The following LACTB2 variants were observed in gnomAD, a reference collection of about 807,000 sequenced individuals.
The protein encoded by LACTB2 is endoribonuclease LACTB2.
In LACTB2, 32 loss-of-function variants were observed where a neutral mutation model predicts 34.8. That is an observed-to-expected ratio of 0.92 (90% confidence interval 0.69 to 1.24). The LOEUF (loss-of-function observed/expected upper bound fraction) is 1.24, where lower values mean the gene tolerates loss of function less well. Ranked by LOEUF, LACTB2 falls within the 50% of genes most tolerant of loss-of-function variation. The probability of loss-of-function intolerance (pLI) is 0.00; values close to 1 mark genes in which losing one functional copy is unlikely to be tolerated. For missense variants in LACTB2, 320 were observed against 345.0 expected (o/e 0.93, Z 0.57); for synonymous variants, 120 against 117.5 (o/e 1.02, Z -0.14).
At chr8:70,641,434 T>G (rs569579851) in intron 4 of LACTB2, among the ~76,000 whole-genome samples, 1 of 152,314 alleles carries the variant, frequency 6.6e-6, no homozygotes, top group South Asian at 2.1e-4. Flanking sequence ...AAGAATCCCA[T>G]GAAGTAGGTA....
intron 5 of LACTB2, among the ~76,000 whole-genome samples, chr8:70,639,246 A>G (rs1586781116): frequency 6.8e-5 from 10 of 146,392 alleles, no homozygotes; most frequent in South Asian, 4.4e-4. Context: ...TGCAACCTCC[A>G]CCTCCCAGGT....
In LACTB2 at chr8:70,638,765, A is replaced by G. The variant is rs767368168; in HGVS notation, c.742-136T>C. The G allele has an allele frequency of 2.1e-4, 140 of 680,684 alleles. 1 individual carries two copies. Among genetic ancestry groups the G allele is most frequent in the African/African-American group, 2.2e-4 (11 of 50,082 alleles). 42.2% of individuals were successfully genotyped at this position (680,684 alleles called of 1,614,324 possible). On this transcript the variant is annotated intron_variant, in intron 5 of 6. Transcript: ENST00000276590. The stretch of plus-strand genomic sequence containing the variant: ...ACACATTTTTTTTTTTTTTTGAGAC[A>G]GAGTCTCACTCTGTCGCCAGGCTGG...
intron 1 of LACTB2, among the ~76,000 whole-genome samples, chr8:70,667,903 G>A (rs750675991): frequency 5.9e-5 from 9 of 152,140 alleles, no homozygotes; most frequent in East Asian, 1.9e-4. Context: ...TAGAGAGACC[G>A]CCTATGGATT....
At chr8:70,667,898 A>G (rs1004460390) in intron 1 of LACTB2, among the ~76,000 whole-genome samples, 1 of 152,202 alleles carries the variant, frequency 6.6e-6, no homozygotes, top group Non-Finnish European at 1.5e-5. Context: ...CACTGTAGAG[A>G]GACCGCCTAT....
chr8:70,646,725 A>G (rs1818268601), intron 3 of LACTB2: 1 of 152,248 alleles, frequency 6.6e-6, no homozygotes. Context: ...ACAATAAACC[A>G]GATAAACAAA....
chr8:70,646,045 T>A (rs908678790), intron 3 of LACTB2: 2 of 152,206 alleles, frequency 1.3e-5, no homozygotes, highest in African/African-American at 4.8e-5. Context: ...GTATTTCTAG[T>A]TCTAGATCCC....
At chr8:70,639,115 A>G (rs1818162159) in intron 5 of LACTB2, among the ~76,000 whole-genome samples, 1 of 152,086 alleles carries the variant, frequency 6.6e-6, no homozygotes, top group South Asian at 2.1e-4. Flanking sequence ...TATTCTATAT[A>G]TACTCCTATA....
At chr8:70,658,106 T>G (rs1360766912) in intron 2 of LACTB2, among the ~76,000 whole-genome samples, 1 of 152,176 alleles carries the variant, frequency 6.6e-6, no homozygotes, top group Non-Finnish European at 1.5e-5. Context: ...TAGGTCTACA[T>G]GAAAGCCTCT....
intron 3 of LACTB2, among the ~76,000 whole-genome samples, chr8:70,647,326 C>T (rs940021909): frequency 4.6e-5 from 7 of 151,368 alleles, no homozygotes; most frequent in Non-Finnish European, 1.0e-4. Context: ...AATCTTGGCT[C>T]ACTGCAACCT....
intron 4 of LACTB2, among the ~76,000 whole-genome samples, chr8:70,643,357 G>C (rs1012954523): frequency 1.3e-5 from 2 of 151,378 alleles, no homozygotes; most frequent in Non-Finnish European, 2.9e-5. Flanking sequence ...CGCGTAGCTG[G>C]GATTATAGGT....
intron 3 of LACTB2, among the ~76,000 whole-genome samples, chr8:70,647,409 C>T (rs2132072359): frequency 6.6e-6 from 1 of 152,142 alleles, no homozygotes; most frequent in South Asian, 2.1e-4. Flanking sequence ...CCCGCCACCA[C>T]ACCTGGCTAA....
chr8:70,660,371 T>G (rs1401745958), intron 2 of LACTB2: 1 of 345,758 alleles, frequency 2.9e-6, no homozygotes, highest in East Asian at 7.8e-5. Flanking sequence ...TAAGTTCCTA[T>G]GGTACACAGT....
At chr8:70,642,491 G>A (rs1818211032) in intron 4 of LACTB2, among the ~76,000 whole-genome samples, 2 of 149,180 alleles carry the variant, frequency 1.3e-5, no homozygotes, top group African/African-American at 5.0e-5. Flanking sequence ...ATTGGGTCCT[G>A]TGTCTTTCTT....
chr8:70,640,903 T>G lies in LACTB2; in HGVS notation c.740A>C (p.Lys247Thr), dbSNP rs1412026720. ...TVMELVKIIY[K>T]NTPENLHEMA... ...ACAAATAAGAAAACTGAAAATTACC[T>G]TGTAAATAATTTTTACAAGCTCCAT... The change falls in exon 5 of 7, where the codon AAG becomes ACG. Residue 247 changes from lysine (K) to threonine (T), a missense_variant and splice_region_variant. Physicochemically the swap from Lys to Thr is moderately conservative, Grantham distance 78. Transcript: ENST00000276590. 3 of 1,575,872 alleles carry G rather than the reference T, an allele frequency of 1.9e-6. No homozygotes were observed. The highest frequency in any genetic ancestry group is 1.7e-6 in the Non-Finnish European group (2 of 1,165,104).
chr8:70,644,177 G>C lies in LACTB2; in HGVS notation c.480C>G (p.Ile160Met), dbSNP rs779404738. 6.2e-7 allele frequency: 1 copy of C among 1,613,094 alleles called. No individual in the cohort carries two copies. The highest frequency in any genetic ancestry group is 1.3e-5 in the African/African-American group (1 of 75,004). ...CCCCTAGGATGCAATCTCCAGAAAAGATAGCATTTTCCTCTTCTAAGAGTA... is the reference window on the plus strand; with the variant it reads ...CCCCTAGGATGCAATCTCCAGAAAACATAGCATTTTCCTCTTCTAAGAGTA... Reference protein sequence around the residue: ...MALLLEEENAIFSGDCILGEG... With the variant: ...MALLLEEENAMFSGDCILGEG... The change falls in exon 4 of 7, where the codon ATC becomes ATG. Residue 160 changes from isoleucine (I) to methionine (M), a missense_variant. Ile to Met is a conservative substitution (Grantham distance 10, BLOSUM62 1). Transcript: ENST00000276590.
rs577361294 is a variant in LACTB2 at position 70,640,018 on chromosome 8, C to T, written c.741+884G>A. ...CACTGTCACCTAGGCTGGTGTGCAA[C>T]GGTGCGATGTAGGCTCACTGCAGCC... is the stretch of plus-strand genomic sequence containing the variant. On this transcript the variant is annotated intron_variant, in intron 5 of 6. Coordinates refer to ENST00000276590, the MANE Select transcript of LACTB2 (RefSeq NM_016027.3). Among the ~76,000 whole-genome samples, 4 of 152,182 alleles carry T rather than the reference C, an allele frequency of 2.6e-5. No homozygotes were observed. In the South Asian group the frequency reaches 6.2e-4, roughly 24 times the overall value.
At chr8:70,656,562 C>T (rs1280038743) in intron 3 of LACTB2, among the ~76,000 whole-genome samples, 1 of 152,064 alleles carries the variant, frequency 6.6e-6, no homozygotes, top group Non-Finnish European at 1.5e-5. Flanking sequence ...ATATTGGTAC[C>T]ATGCTGTTTT....
At position 70,640,980 on chromosome 8, in the gene LACTB2, C is replaced by T. The variant is rs1818190143; in HGVS notation, c.663G>A (p.Glu221=). The part of the protein sequence containing the change: ...QQYISHRNIR[E]QQILTLFREN... ...CACGAAATAATGTAAGAATTTGCTGCTCTCGAATATTTCTGTGAGAAATGT... is the reference window on the plus strand; with the variant it reads ...CACGAAATAATGTAAGAATTTGCTGTTCTCGAATATTTCTGTGAGAAATGT... The change falls in exon 5 of 7, where the codon GAG becomes GAA. Residue 221 remains glutamate, a synonymous_variant. Coordinates refer to ENST00000276590, the MANE Select transcript of LACTB2 (RefSeq NM_016027.3). 1 of 1,610,154 alleles carries T rather than the reference C, an allele frequency of 6.2e-7. No individual in the cohort carries two copies. The highest frequency in any genetic ancestry group is 1.3e-5 in the African/African-American group (1 of 74,830).
In LACTB2 at chr8:70,664,196, C is replaced by T. The variant is rs143299155; in HGVS notation, c.123-2299G>A. Among the ~76,000 whole-genome samples the T allele has an allele frequency of 2.0e-5, 3 of 152,250 alleles. No homozygotes were observed. The East Asian group carries it at 5.8e-4, about 29-fold the overall frequency. Reference sequence around the variant, plus strand: ...ATACTTCCATGCTTCAGGTAAGGCTCAAATTTTTTCAATCCATCAAGGCCC... The same window carrying T: ...ATACTTCCATGCTTCAGGTAAGGCTTAAATTTTTTCAATCCATCAAGGCCC... On this transcript the variant is annotated intron_variant, in intron 1 of 6. Transcript: ENST00000276590.
Sources: gnomAD v4.1 joint callset for allele counts (sites outside exome capture counted in the v4.1 genomes callset) on GRCh38, gnomAD v4.1.1 for gene constraint, MANE v1.5 for transcripts, NCBI Gene and HGNC (gene_info 2026-07-23, HGNC 2026-07-21) for gene names.